The following IL1RAPL2 variants were observed in gnomAD, a reference collection of about 807,000 sequenced individuals.
IL1RAPL2 encodes X-linked interleukin-1 receptor accessory protein-like 2.
Under a neutral mutation model 44.1 loss-of-function variants are expected in IL1RAPL2, and 3 were observed. The ratio of observed to expected loss-of-function variants is 0.07; its 90% CI spans 0.03 to 0.18. IL1RAPL2 has a LOEUF of 0.18. Ranked by LOEUF, IL1RAPL2 falls within the 10% of genes least tolerant of loss-of-function variation. The pLI, the probability that IL1RAPL2 is intolerant of heterozygous loss-of-function variation, is 1.00. For synonymous variants in IL1RAPL2, 181 were observed against 178.8 expected (o/e 1.01, Z -0.10); for missense variants, 391 against 496.4 (o/e 0.79, Z 2.02).
intron 1 of IL1RAPL2, among the ~76,000 whole-genome samples, chrX:104,626,299 C>CGTGT (rs111509844): frequency 0.38 from 38,202 of 100,424 alleles, 5,589 homozygotes; most frequent in East Asian, 0.52. Context: ...CTGTCTCATG[C>CGTGT]GTGTGTGTGT....
At chrX:105,659,453 C>T (rs1446374319) in intron 6 of IL1RAPL2, among the ~76,000 whole-genome samples, 6 of 109,619 alleles carry the variant, frequency 5.5e-5, no homozygotes, top group African/African-American at 2.0e-4. Context: ...GTCAGCAGAT[C>T]GAGACCATCC....
intron 2 of IL1RAPL2, among the ~76,000 whole-genome samples, chrX:104,746,741 G>A (rs1217501843): frequency 4.5e-5 from 5 of 111,406 alleles, no homozygotes; most frequent in Non-Finnish European, 9.5e-5. Context: ...TCGTTTTTGG[G>A]AATGAAAGCC....
intron 2 of IL1RAPL2, among the ~76,000 whole-genome samples, chrX:104,927,027 T>A (rs1236026479): frequency 1.8e-5 from 2 of 111,969 alleles, no homozygotes; most frequent in East Asian, 5.6e-4. Context: ...TTTATCTGGA[T>A]CTTGGTTTCC....
At chrX:105,545,320 C>T (rs774415080) in intron 6 of IL1RAPL2, among the ~76,000 whole-genome samples, 1 of 111,990 alleles carries the variant, frequency 8.9e-6, no homozygotes, top group Non-Finnish European at 1.9e-5. Context: ...AGGATAGTTT[C>T]ACTGGATATA....
intron 2 of IL1RAPL2, among the ~76,000 whole-genome samples, chrX:105,164,459 A>G (rs1457869131): frequency 8.9e-6 from 1 of 112,191 alleles, no homozygotes; most frequent in Admixed American, 9.5e-5. Context: ...ATAAAATAAT[A>G]GCTCGACCTT....
intron 6 of IL1RAPL2, among the ~76,000 whole-genome samples, chrX:105,497,815 G>A (rs1482204707): frequency 3.6e-5 from 4 of 111,853 alleles, no homozygotes; most frequent in Non-Finnish European, 5.6e-5. Context: ...CAGAACAAAA[G>A]ATAAAAATCT....
rs139579096 is a variant in IL1RAPL2 at position 105,452,999 on chromosome X, A to C, written c.698-31314A>C. Reference sequence around the variant, plus strand: ...AGATGATTAGTGGTGCACATTCACTATAAAAATACAATTTGACCATTGTAG... The same window carrying C: ...AGATGATTAGTGGTGCACATTCACTCTAAAAATACAATTTGACCATTGTAG... On this transcript the variant is annotated intron_variant, in intron 5 of 10. Transcript: ENST00000372582. Among the ~76,000 whole-genome samples the C allele has an allele frequency of 4.6e-3, 518 of 112,603 alleles. 3 individuals carry two copies. The highest frequency in any genetic ancestry group is 0.016 in the African/African-American group (509 of 31,037).
intron 7 of IL1RAPL2, among the ~76,000 whole-genome samples, chrX:105,732,513 T>G (rs1468088551): frequency 1.8e-5 from 2 of 110,689 alleles, no homozygotes; most frequent in Non-Finnish European, 3.8e-5. Flanking sequence ...CCTTGCTCTG[T>G]GTTTGCCATT....
At chrX:104,948,755 C>T (rs1357681970) in intron 2 of IL1RAPL2, among the ~76,000 whole-genome samples, 1 of 109,419 alleles carries the variant, frequency 9.1e-6, no homozygotes, top group African/African-American at 3.3e-5. Flanking sequence ...GCCTTGCATC[C>T]CAGGGATGAA....
At chrX:105,387,423 CGG>C (rs1758597916) in intron 5 of IL1RAPL2, among the ~76,000 whole-genome samples, 1 of 109,534 alleles carries the variant, frequency 9.1e-6, no homozygotes, top group Non-Finnish European at 1.9e-5. Context: ...TTAGTAGAGA[CGG>C]GGTTTCACCA....
intron 2 of IL1RAPL2, among the ~76,000 whole-genome samples, chrX:105,017,902 TG>T (rs1169414243): frequency 3.6e-5 from 4 of 112,051 alleles, no homozygotes; most frequent in Non-Finnish European, 7.5e-5. Context: ...GCATTGCACA[TG>T]TTCCAGCAAA....
intron 2 of IL1RAPL2, among the ~76,000 whole-genome samples, chrX:104,971,216 G>A (rs1469170270): frequency 9.1e-6 from 1 of 110,122 alleles, no homozygotes; most frequent in Non-Finnish European, 1.9e-5. Flanking sequence ...GGCGTGGTGA[G>A]GCAGGCCGGT....
chrX:105,366,783 G>A (rs149392298), intron 5 of IL1RAPL2, among the ~76,000 whole-genome samples: 2,505 of 111,274 alleles, frequency 0.023, 74 homozygotes, highest in African/African-American at 0.078. Flanking sequence ...GGAATGCTTC[G>A]TGTGTACTTG....
intron 5 of IL1RAPL2, among the ~76,000 whole-genome samples, chrX:105,386,328 A>G (rs1248893854): frequency 2.1e-4 from 23 of 111,754 alleles, no homozygotes; most frequent in Non-Finnish European, 9.4e-5. Flanking sequence ...GAATGTGACT[A>G]TGTACTACTG....
At chrX:104,915,353 A>G (rs1416392025) in intron 2 of IL1RAPL2, among the ~76,000 whole-genome samples, 5 of 110,829 alleles carry the variant, frequency 4.5e-5, no homozygotes, top group Admixed American at 9.6e-5. Context: ...TTTTGGCTGC[A>G]TAAATGTCTT....
intron 2 of IL1RAPL2, among the ~76,000 whole-genome samples, chrX:105,137,589 G>A (rs1247974533): frequency 1.8e-5 from 2 of 112,287 alleles, no homozygotes; most frequent in East Asian, 5.6e-4. Flanking sequence ...GCTTTCCACT[G>A]GAAGAATAAA....
At chrX:104,585,246 TG>T (rs1240034123) in intron 1 of IL1RAPL2, among the ~76,000 whole-genome samples, 9 of 34,428 alleles carry the variant, frequency 2.6e-4, no homozygotes, top group African/African-American at 1.2e-3. Flanking sequence ...ATATAATATA[TG>T]ATATATAATA....
chrX:104,978,501 G>C (rs1485836233), intron 2 of IL1RAPL2, among the ~76,000 whole-genome samples: 1 of 111,950 alleles, frequency 8.9e-6, no homozygotes, highest in Non-Finnish European at 1.9e-5. Context: ...GAAACTCTAA[G>C]AATATTCTCA....
At chrX:104,772,031 G>A (rs1932648912) in intron 2 of IL1RAPL2, among the ~76,000 whole-genome samples, 1 of 111,491 alleles carries the variant, frequency 9.0e-6, no homozygotes, top group African/African-American at 3.3e-5. Context: ...GTTATACTTT[G>A]TGTGACCCTA....
Sources: allele counts gnomAD v4.1 joint callset (sites outside exome capture counted in the v4.1 genomes callset), GRCh38; gene constraint gnomAD v4.1.1; transcripts MANE v1.5; gene names NCBI Gene and HGNC (gene_info 2026-07-23, HGNC 2026-07-21).